The following NRCAM variants were observed in gnomAD, a reference collection of about 807,000 sequenced individuals.
NRCAM encodes NgCAM-related cell adhesion molecule.
NRCAM carries 83 observed loss-of-function variants against 156.5 expected under a neutral mutation model. The observed-to-expected ratio is 0.53, with a 90% confidence interval of 0.44 to 0.64. The LOEUF (loss-of-function observed/expected upper bound fraction) is 0.64. Among genes scored for constraint, NRCAM ranks in the 30% least tolerant of loss-of-function variants. NRCAM has a pLI of 0.00. For synonymous variants in NRCAM, 538 were observed against 563.9 expected (o/e 0.95, Z 0.65); for missense variants, 1,417 against 1,597.3 (o/e 0.89, Z 1.92).
chr7:108,381,060 T>C (rs749220746), intron 2 of NRCAM, among the ~76,000 whole-genome samples: 1 of 151,906 alleles, frequency 6.6e-6, no homozygotes, highest in Non-Finnish European at 1.5e-5. Context: ...TAAAAGAATA[T>C]ACAAAGAACT....
At chr7:108,308,331 A>G (rs1456923523) in intron 3 of NRCAM, among the ~76,000 whole-genome samples, 2 of 152,250 alleles carry the variant, frequency 1.3e-5, no homozygotes, top group Admixed American at 1.3e-4. Flanking sequence ...ATAATCCCAG[A>G]AAACAGTTAA....
At chr7:108,150,660 A>G (rs373131429) in intron 32 of NRCAM, 40 of 509,888 alleles carry the variant, frequency 7.8e-5, no homozygotes, top group Non-Finnish European at 1.0e-4. Flanking sequence ...TAATTTTGTT[A>G]TCAATGCAGG....
intron 30 of NRCAM, among the ~76,000 whole-genome samples, chr7:108,161,387 G>A (rs892723250): frequency 9.9e-5 from 15 of 152,122 alleles, no homozygotes; most frequent in African/African-American, 2.4e-4. Flanking sequence ...TGAGCATTTC[G>A]GGTATTATTT....
At chr7:108,391,673 T>C (rs184690668) in intron 2 of NRCAM, among the ~76,000 whole-genome samples, 38,763 of 152,092 alleles carry the variant, frequency 0.25, 5,230 homozygotes, top group Non-Finnish European at 0.29. Context: ...CTAGCCTTGA[T>C]GGTCTTTACA....
intron 11 of NRCAM, among the ~76,000 whole-genome samples, chr7:108,210,348 G>A (rs1314331527): frequency 2.6e-5 from 4 of 151,816 alleles, no homozygotes; most frequent in African/African-American, 4.8e-5. Context: ...CCAGGTTCAC[G>A]CCATTCTCCT....
chr7:108,210,989 C>A (rs1588403776), intron 11 of NRCAM, among the ~76,000 whole-genome samples: 2 of 152,304 alleles, frequency 1.3e-5, no homozygotes, highest in Admixed American at 1.3e-4. Flanking sequence ...CATGTGGAGG[C>A]TTGCATCGTG....
chr7:108,267,884 T>G (rs573490249), intron 3 of NRCAM, among the ~76,000 whole-genome samples: 1 of 152,234 alleles, frequency 6.6e-6, no homozygotes, highest in Non-Finnish European at 1.5e-5. Context: ...GCAGTTATAT[T>G]CATACATAGA....
At chr7:108,416,194 G>A in intron 1 of NRCAM, among the ~76,000 whole-genome samples, 1 of 152,234 alleles carries the variant, frequency 6.6e-6, no homozygotes, top group East Asian at 1.9e-4. Flanking sequence ...AACTACAGGA[G>A]ATTTGAATGC....
intron 2 of NRCAM, among the ~76,000 whole-genome samples, chr7:108,368,400 AATACATACACACGC>A (rs1595379080): frequency 6.6e-6 from 1 of 152,092 alleles, no homozygotes; most frequent in Admixed American, 6.5e-5. Context: ...TGACTTGCTA[AATACATACACACGC>A]ATACATACAC....
intron 10 of NRCAM, 147 bp downstream of exon 10, chr7:108,225,498 A>C: frequency 1.5e-6 from 1 of 674,158 alleles, no homozygotes; most frequent in South Asian, 1.8e-5. Flanking sequence ...GGTAAATTTC[A>C]TAAGAAACAT....
rs1371169617 is a variant in NRCAM at position 108,159,520 on chromosome 7, T to A, written c.3620A>T (p.His1207Leu). 3 of 1,613,352 alleles carry A rather than the reference T, an allele frequency of 1.9e-6. No individual in the cohort carries two copies. The highest frequency in any genetic ancestry group is 2.5e-6 in the Non-Finnish European group (3 of 1,179,506). Residue 1207 changes from histidine (H) to leucine (L), a missense_variant, in exon 32 of 33, where the codon CAT becomes CTT. His to Leu is a moderately conservative substitution (Grantham distance 99, BLOSUM62 -3). Coordinates refer to ENST00000379028, the MANE Select transcript of NRCAM (RefSeq NM_001037132.4). ...KYPVKEKEDA[H>L]ADPEIQPMKE... is the part of the protein sequence containing the mutation. ...CATAGGCTGGATTTCAGGGTCAGCA[T>A]GGGCATCTTCCTTTTCTTTAACTAA... is the stretch of plus-strand genomic sequence containing the variant.
chr7:108,174,362 A>C (rs1468893302), intron 28 of NRCAM, among the ~76,000 whole-genome samples: 1 of 152,254 alleles, frequency 6.6e-6, no homozygotes, highest in Non-Finnish European at 1.5e-5. Flanking sequence ...CTAAGCTCAC[A>C]GGAGTTGAAT....
At chr7:108,274,584 G>C (rs1048272033) in intron 3 of NRCAM, among the ~76,000 whole-genome samples, 1 of 152,188 alleles carries the variant, frequency 6.6e-6, no homozygotes, top group African/African-American at 2.4e-5. Context: ...TTTGCACATT[G>C]ATTTTGTATC....
chr7:108,220,944 A>G (rs532018276), intron 11 of NRCAM, among the ~76,000 whole-genome samples: 2 of 152,356 alleles, frequency 1.3e-5, no homozygotes, highest in South Asian at 2.1e-4. Flanking sequence ...TTCACAATCT[A>G]TACATCTGAC....
At chr7:108,256,072 CT>C (rs1213610259) in intron 3 of NRCAM, among the ~76,000 whole-genome samples, 7 of 152,166 alleles carry the variant, frequency 4.6e-5, no homozygotes, top group Non-Finnish European at 7.4e-5. Context: ...CCGGCCGCCC[CT>C]TCTGGGAAGT....
At chr7:108,321,815 C>G (rs1399326679) in intron 2 of NRCAM, among the ~76,000 whole-genome samples, 1 of 152,208 alleles carries the variant, frequency 6.6e-6, no homozygotes, top group Non-Finnish European at 1.5e-5. Context: ...TCAAAAGTTT[C>G]ATGTGTAAAA....
rs746011324 is a variant in NRCAM at position 108,195,961 on chromosome 7, A to C, written c.1352-89T>G. 546 of 855,370 alleles carry C rather than the reference A, an allele frequency of 6.4e-4. 3 individuals carry two copies. Among genetic ancestry groups the C allele is most frequent in the Non-Finnish European group, 1.5e-4 (80 of 518,570 alleles). 53.0% of individuals were successfully genotyped at this position (855,370 alleles called of 1,614,324 possible). A position where few individuals can be genotyped will look rare whatever the true frequency, so the allele number is the denominator to read the frequency against. On this transcript the variant is annotated intron_variant, in intron 14 of 32. Transcript: ENST00000379028. ...TTGTATTTTGTTTTAAGGTCATTAA[A>C]GTTTATGGTAAAGCACAAGCAATCT... is the stretch of plus-strand genomic sequence containing the variant.
At chr7:108,272,538 T>G (rs550658136) in intron 3 of NRCAM, among the ~76,000 whole-genome samples, 60 of 152,300 alleles carry the variant, frequency 3.9e-4, no homozygotes, top group African/African-American at 1.3e-3. Context: ...ACTAATATGT[T>G]TGATCATAGG....
At chr7:108,409,531 G>A (rs1792684183) in intron 1 of NRCAM, among the ~76,000 whole-genome samples, 1 of 152,022 alleles carries the variant, frequency 6.6e-6, no homozygotes, top group African/African-American at 2.4e-5. Flanking sequence ...TTTCACCCCG[G>A]TGCCATCTCG....
Sources: gnomAD v4.1 joint callset for allele counts (sites outside exome capture counted in the v4.1 genomes callset) on GRCh38, gnomAD v4.1.1 for gene constraint, MANE v1.5 for transcripts, NCBI Gene and HGNC (gene_info 2026-07-23, HGNC 2026-07-21) for gene names.